The following GHR variants were observed in gnomAD, a reference collection of about 807,000 sequenced individuals.
GHR encodes the protein growth hormone receptor.
A neutral mutation model predicts 67.1 loss-of-function variants in GHR; 35 were observed. The observed-to-expected ratio is 0.52, with a 90% CI of 0.40 to 0.69. The LOEUF is 0.69. Ranked by LOEUF, GHR falls within the 30% of genes least tolerant of loss-of-function variation. The pLI is 0.00. For missense variants in GHR, 792 were observed against 764.6 expected (o/e 1.04, Z -0.42); for synonymous variants, 272 against 269.1 (o/e 1.01, Z -0.10).
At chr5:42,484,088 A>G (rs1186278349) in intron 1 of GHR, among the ~76,000 whole-genome samples, 1 of 152,172 alleles carries the variant, frequency 6.6e-6, no homozygotes, top group Non-Finnish European at 1.5e-5. Flanking sequence ...TGGATGGATC[A>G]TGTTTATAAG....
intron 1 of GHR, among the ~76,000 whole-genome samples, chr5:42,500,706 A>G (rs931881380): frequency 6.6e-6 from 1 of 152,196 alleles, no homozygotes; most frequent in Non-Finnish European, 1.5e-5. Flanking sequence ...AGAACTCAAA[A>G]TAGTAAGCAT....
chr5:42,653,856 C>T (rs974909392), intron 3 of GHR, among the ~76,000 whole-genome samples: 1 of 152,068 alleles, frequency 6.6e-6, no homozygotes, highest in East Asian at 1.9e-4. Flanking sequence ...GTGTTCTAGT[C>T]CAAATCAAGT....
intron 1 of GHR, among the ~76,000 whole-genome samples, chr5:42,520,786 TC>T (rs1273372802): frequency 6.6e-6 from 1 of 152,076 alleles, no homozygotes; most frequent in Non-Finnish European, 1.5e-5. Context: ...CTAGTCCCTG[TC>T]CCCTTGCCCG....
intron 3 of GHR, chr5:42,659,452 A>G (rs1755443810): frequency 6.6e-6 from 1 of 152,230 alleles, no homozygotes; most frequent in Non-Finnish European, 1.5e-5. Flanking sequence ...GGGGCCCTTG[A>G]GTATCTATGA....
At chr5:42,480,436 T>A (rs1745570242) in intron 1 of GHR, among the ~76,000 whole-genome samples, 1 of 152,130 alleles carries the variant, frequency 6.6e-6, no homozygotes, top group Admixed American at 6.6e-5. Context: ...AATTCCTGGG[T>A]ATCCTTGTTA....
In GHR at chr5:42,652,640, A is replaced by G. The variant is rs894739894; in HGVS notation, c.136+23537A>G. ...TTTACCACTTGAAAATATTATCAAG[A>G]TAGTATTTATATTGTGTTTACCAGG... On this transcript the variant is annotated intron_variant, in intron 3 of 9. Transcript: ENST00000230882. Among the ~76,000 whole-genome samples the G allele has an allele frequency of 5.9e-5, 9 of 152,150 alleles. No individual in the cohort carries two copies. The South Asian group carries it at 8.3e-4, about 14-fold the overall frequency.
rs1480326131 is a variant in GHR at position 42,424,171 on chromosome 5, A to AATGTGT, written c.-12+216_-12+217insATGTGT. 9.9e-6 allele frequency among the ~76,000 whole-genome samples: 1 copy of AATGTGT among 100,512 alleles called. No homozygotes were observed. Among genetic ancestry groups the AATGTGT allele is most frequent in the African/African-American group, 4.1e-5 (1 of 24,150 alleles). The allele number at this position is 100,512 out of a possible 152,430, so 65.9% of individuals were successfully genotyped here. ...CTGGTGGGTTGTTGTAACCCAATCTAGTGTGTGTGTGTGTGTGTGTGTGTG... is the reference window on the plus strand; with the variant it reads ...CTGGTGGGTTGTTGTAACCCAATCTAATGTGTGTGTGTGTGTGTGTGTGTGTGTGTG... On this transcript the variant is annotated intron_variant, in intron 1 of 9. Transcript: ENST00000230882. This position sits in a 1 kb window ranked among gnomAD's most constrained non-coding sequence, Gnocchi z 4.1.
intron 1 of GHR, among the ~76,000 whole-genome samples, chr5:42,455,490 T>C (rs936738232): frequency 7.9e-5 from 12 of 152,320 alleles, no homozygotes; most frequent in African/African-American, 2.9e-4. Context: ...TTGGTTCTAT[T>C]CACTGACATT....
chr5:42,598,475 C>A (rs559802978), intron 2 of GHR, among the ~76,000 whole-genome samples: 1 of 152,182 alleles, frequency 6.6e-6, no homozygotes, highest in Non-Finnish European at 1.5e-5. Context: ...TTTCCTCTTG[C>A]CTCCTATTTC....
At chr5:42,474,886 CTTT>C (rs577382742) in intron 1 of GHR, among the ~76,000 whole-genome samples, 43 of 122,178 alleles carry the variant, frequency 3.5e-4, no homozygotes, top group African/African-American at 1.0e-3. Flanking sequence ...TTTTTTTGCC[CTTT>C]TTTTTTTTTT....
intron 1 of GHR, among the ~76,000 whole-genome samples, chr5:42,445,115 G>A (rs1018990883): frequency 6.6e-6 from 1 of 152,326 alleles, no homozygotes; most frequent in Middle Eastern, 3.4e-3. Context: ...TCATCGAAGA[G>A]CTATACATTG....
At chr5:42,588,476 G>A (rs919430229) in intron 2 of GHR, among the ~76,000 whole-genome samples, 5 of 127,408 alleles carry the variant, frequency 3.9e-5, no homozygotes, top group South Asian at 5.2e-4. Context: ...GCGAGATCGC[G>A]CCATTGCACT....
chr5:42,476,311 C>A (rs1465988131), intron 1 of GHR, among the ~76,000 whole-genome samples: 1 of 151,704 alleles, frequency 6.6e-6, no homozygotes, highest in African/African-American at 2.4e-5. Context: ...ACCTCCGCTC[C>A]CAGGTTCAAG....
intron 2 of GHR, among the ~76,000 whole-genome samples, chr5:42,611,590 G>A (rs1752893744): frequency 1.3e-5 from 2 of 152,156 alleles, no homozygotes; most frequent in Admixed American, 1.3e-4. Flanking sequence ...TTTGAATTTA[G>A]TAGAAGAGGA....
At chr5:42,539,029 G>T (rs551451867) in intron 1 of GHR, among the ~76,000 whole-genome samples, 3 of 152,034 alleles carry the variant, frequency 2.0e-5, no homozygotes, top group South Asian at 4.2e-4. Context: ...CTGAAGTTTT[G>T]ATTTTTTTTC....
chr5:42,472,765 A>G (rs1745067636), intron 1 of GHR, among the ~76,000 whole-genome samples: 1 of 152,002 alleles, frequency 6.6e-6, no homozygotes, highest in Non-Finnish European at 1.5e-5. Context: ...TTGTGAGTAG[A>G]TGTGTTTAGG....
At chr5:42,703,964 T>C (rs1460846051) in intron 6 of GHR, among the ~76,000 whole-genome samples, 1 of 151,996 alleles carries the variant, frequency 6.6e-6, no homozygotes, top group Non-Finnish European at 1.5e-5. Context: ...GTTTTCTATA[T>C]ATAAAATCAT....
At chr5:42,669,108 T>C (rs535825684) in intron 3 of GHR, among the ~76,000 whole-genome samples, 1 of 152,276 alleles carries the variant, frequency 6.6e-6, no homozygotes, top group South Asian at 2.1e-4. Context: ...ACATAAAATA[T>C]TCTGTTCAGT....
At chr5:42,661,251 G>A (rs1318202638) in intron 3 of GHR, among the ~76,000 whole-genome samples, 1 of 152,084 alleles carries the variant, frequency 6.6e-6, no homozygotes, top group East Asian at 1.9e-4. Context: ...GAAATACAAA[G>A]AACGCCACAA....
Sources: gnomAD v4.1 joint callset for allele counts (sites outside exome capture counted in the v4.1 genomes callset) on GRCh38, gnomAD v4.1.1 for gene constraint, Gnocchi (gnomAD v3.1) non-coding constraint, MANE v1.5 for transcripts, NCBI Gene and HGNC (gene_info 2026-07-23, HGNC 2026-07-21) for gene names.